GDAP1L1: variants seen among roughly 807,000 people sequenced by gnomAD.
GDAP1L1 encodes ganglioside induced differentiation associated protein 1 like 1.
A neutral mutation model predicts 37.1 loss-of-function variants in GDAP1L1; 21 were observed. That is an observed-to-expected ratio of 0.57 (90% CI 0.40 to 0.81). The LOEUF (loss-of-function observed/expected upper bound fraction) is 0.81. GDAP1L1 is among the 40% of genes least tolerant of loss of function. The probability of loss-of-function intolerance (pLI) is 0.00; values close to 1 mark genes in which losing one functional copy is unlikely to be tolerated. For synonymous variants in GDAP1L1, 193 were observed against 209.1 expected, an observed-to-expected ratio of 0.92 and a Z score of 0.67; for missense variants, 362 against 491.6, an observed-to-expected ratio of 0.74 and a Z score of 2.49.
At position 44,258,178 on chromosome 20, in the gene GDAP1L1, A is replaced by C. The variant is rs763553398; in HGVS notation, c.374-256A>C. On this transcript the variant is annotated intron_variant, in intron 2 of 5. Transcript: ENST00000342560. ...TGCAGCTTCTCTTGAATCCCGCAACACTGGGTCTAGGACCCCGCCTGGCAG... is the reference window on the plus strand; with the variant it reads ...TGCAGCTTCTCTTGAATCCCGCAACCCTGGGTCTAGGACCCCGCCTGGCAG... 7 of 717,502 alleles carry C rather than the reference A, an allele frequency of 9.8e-6. No individual in the cohort carries two copies. The Admixed American group carries it at 1.4e-4, about 14-fold the overall frequency. 44.4% of individuals were successfully genotyped at this position (717,502 alleles called of 1,614,324 possible).
intron 5 of GDAP1L1, among the ~76,000 whole-genome samples, chr20:44,267,618 A>G (rs1241317121): frequency 6.8e-6 from 1 of 147,536 alleles, no homozygotes; most frequent in African/African-American, 2.5e-5. Context: ...CTCAAAGAGA[A>G]AAAAAAAAAA....
chr20:44,276,760 A>G (rs1422443942), intron 5 of GDAP1L1, among the ~76,000 whole-genome samples: 1 of 152,234 alleles, frequency 6.6e-6, no homozygotes, highest in Non-Finnish European at 1.5e-5. Context: ...GACAAGACAG[A>G]CCAAAATCCC....
At chr20:44,253,249 TG>T (rs1568646766) in intron 1 of GDAP1L1, among the ~76,000 whole-genome samples, 1 of 152,202 alleles carries the variant, frequency 6.6e-6, no homozygotes, top group Non-Finnish European at 1.5e-5. Context: ...ATCATTGTTT[TG>T]TTCACTGCTA....
At chr20:44,250,103 C>T (rs2073410779) in intron 1 of GDAP1L1, among the ~76,000 whole-genome samples, 1 of 152,178 alleles carries the variant, frequency 6.6e-6, no homozygotes, top group Non-Finnish European at 1.5e-5. Context: ...ATCTAAATAG[C>T]CTGTCTTTAA....
At chr20:44,248,887 A>G (rs2073385955) in intron 1 of GDAP1L1, among the ~76,000 whole-genome samples, 1 of 152,216 alleles carries the variant, frequency 6.6e-6, no homozygotes. Flanking sequence ...TGCCTGTCCA[A>G]AGCCTCAGCT....
chr20:44,276,622 A>G (rs2062585430), intron 5 of GDAP1L1, among the ~76,000 whole-genome samples: 1 of 152,132 alleles, frequency 6.6e-6, no homozygotes, highest in Non-Finnish European at 1.5e-5. Flanking sequence ...CAGATAGTTT[A>G]TAGTGAATCA....
intron 5 of GDAP1L1, among the ~76,000 whole-genome samples, chr20:44,272,924 G>A (rs943761898): frequency 6.6e-6 from 1 of 152,196 alleles, no homozygotes; most frequent in African/African-American, 2.4e-5. Context: ...ATTTGTGCAG[G>A]CAGACACAGG....
intron 5 of GDAP1L1, among the ~76,000 whole-genome samples, chr20:44,270,117 A>G (rs183214377): frequency 1.3e-5 from 2 of 151,270 alleles, no homozygotes; most frequent in Non-Finnish European, 3.0e-5. Context: ...CTGCTGTATT[A>G]GTTATCTGTG....
At chr20:44,264,800 T>A in intron 5 of GDAP1L1, 1 of 1,153,424 alleles carries the variant, frequency 8.7e-7, no homozygotes, top group Non-Finnish European at 1.1e-6. Context: ...GGGATAATAG[T>A]AGGACCTGCC....
intron 1 of GDAP1L1, among the ~76,000 whole-genome samples, chr20:44,255,155 T>C (rs1194287052): frequency 6.6e-6 from 1 of 152,054 alleles, no homozygotes; most frequent in Non-Finnish European, 1.5e-5. Flanking sequence ...CAGGCACCAT[T>C]CCACAGGGAC....
intron 3 of GDAP1L1, among the ~76,000 whole-genome samples, chr20:44,262,289 G>T (rs573421730): frequency 1.3e-5 from 2 of 152,232 alleles, no homozygotes; most frequent in African/African-American, 4.8e-5. Flanking sequence ...TCAGTTAAAT[G>T]GAGGAGGTTA....
At chr20:44,261,332 A>G (rs559537166) in intron 3 of GDAP1L1, among the ~76,000 whole-genome samples, 7 of 152,228 alleles carry the variant, frequency 4.6e-5, no homozygotes, top group Non-Finnish European at 8.8e-5. Context: ...TTCATAAAAC[A>G]TCAATGAGAC....
intron 3 of GDAP1L1, among the ~76,000 whole-genome samples, chr20:44,261,980 C>G (rs568266099): frequency 1.6e-4 from 24 of 152,212 alleles, no homozygotes; most frequent in Admixed American, 1.4e-3. Flanking sequence ...TGTACAGTGG[C>G]TGAAATGTAC....
rs767891678 is a variant in GDAP1L1, at chr20:44,258,426, G to A, written c.374-8G>A. The A allele has an allele frequency of 3.2e-6, 5 of 1,548,150 alleles. No individual in the cohort carries two copies. Among genetic ancestry groups the A allele is most frequent in the Middle Eastern group, 3.4e-4 (2 of 5,954 alleles). On this transcript the variant is annotated splice_region_variant and splice_polypyrimidine_tract_variant and intron_variant, in intron 2 of 5. Transcript: ENST00000342560. ...GCTTCCCTGCCCAGCCCCTGGCGGT[G>A]CCCACAGAGCACGTGGTGGCCCTGA... is the stretch of plus-strand genomic sequence containing the variant.
intron 1 of GDAP1L1, among the ~76,000 whole-genome samples, chr20:44,255,539 C>T (rs2073522254): frequency 1.5e-5 from 1 of 66,712 alleles, no homozygotes; most frequent in Non-Finnish European, 2.7e-5. Context: ...GAGACTCTGT[C>T]TCAAAAAAAA....
At chr20:44,260,900 CGAA>C (rs1037706243) in intron 3 of GDAP1L1, among the ~76,000 whole-genome samples, 12 of 152,288 alleles carry the variant, frequency 7.9e-5, no homozygotes, top group African/African-American at 2.6e-4. Context: ...CTGCATTTTA[CGAA>C]GATCTCTCCT....
chr20:44,257,470 C>T (rs2073580746), intron 2 of GDAP1L1, 125 bp downstream of exon 2: 1 of 989,428 alleles, frequency 1.0e-6, no homozygotes, highest in Non-Finnish European at 1.5e-6. Flanking sequence ...TGGGCAAGGC[C>T]CAGTCTCCCC....
chr20:44,270,502 C>T (rs187583651), intron 5 of GDAP1L1, among the ~76,000 whole-genome samples: 125 of 152,296 alleles, frequency 8.2e-4, no homozygotes, highest in Middle Eastern at 3.4e-3. Context: ...TATTATGTCA[C>T]ACATTTTCTG....
rs531891547 is a variant in GDAP1L1 at position 44,280,173 on chromosome 20, C to G, written c.*873C>G. The G allele has an allele frequency of 1.2e-4, 28 of 238,570 alleles. No homozygotes were observed. Among genetic ancestry groups the G allele is most frequent in the Admixed American group, 1.5e-4 (3 of 19,628 alleles). 14.8% of individuals were successfully genotyped at this position (238,570 alleles called of 1,614,324 possible). Reference sequence around the variant, plus strand: ...CAAGCCATCTCCTTCAATATCCCCCCCTTCCTGTCACTCCCGGGGCTGTCC... The same window carrying G: ...CAAGCCATCTCCTTCAATATCCCCCGCTTCCTGTCACTCCCGGGGCTGTCC... On this transcript the variant is annotated 3_prime_UTR_variant, in exon 6 of 6. Coordinates refer to ENST00000342560, the MANE Select transcript of GDAP1L1 (RefSeq NM_024034.6).
Sources: gnomAD v4.1 joint callset for allele counts (sites outside exome capture counted in the v4.1 genomes callset) on GRCh38, gnomAD v4.1.1 for gene constraint, MANE v1.5 for transcripts, NCBI Gene and HGNC (gene_info 2026-07-23, HGNC 2026-07-21) for gene names.